RLF: variants seen among roughly 807,000 people sequenced by gnomAD.
The protein encoded by RLF is zinc finger protein Rlf.
RLF carries 7 observed loss-of-function variants against 162.9 expected under a neutral mutation model. The ratio of observed to expected loss-of-function variants is 0.04; its 90% CI spans 0.02 to 0.08. The LOEUF (loss-of-function observed/expected upper bound fraction) is 0.08. RLF is among the 10% of genes least tolerant of loss of function. The pLI, the probability that RLF is intolerant of heterozygous loss-of-function variation, is 1.00. For missense variants in RLF, 1,664 were observed against 2,244.7 expected (o/e 0.74, Z 5.23); for synonymous variants, 782 against 791.5 (o/e 0.99, Z 0.20).
At chr1:40,211,197 T>G (rs1642860332) in intron 5 of RLF, among the ~76,000 whole-genome samples, 1 of 152,242 alleles carries the variant, frequency 6.6e-6, no homozygotes. Context: ...CTACAAGAAT[T>G]AAATTTTCCA....
At position 40,239,014 on chromosome 1, in the gene RLF, A is replaced by G. The variant is rs748477617; in HGVS notation, c.4312A>G (p.Ile1438Val). The G allele has an allele frequency of 2.5e-6, 4 of 1,614,092 alleles. No individual in the cohort carries two copies. Among genetic ancestry groups the G allele is most frequent in the Admixed American group, 1.7e-5 (1 of 60,004 alleles). Residue 1438 changes from isoleucine to valine, a missense_variant, in exon 8 of 8, where the codon ATA (isoleucine) becomes GTA (valine). Ile to Val is a conservative substitution (Grantham distance 29, BLOSUM62 3). Around this residue, in one of 15 missense-constraint regions of RLF, gnomAD observed 200 missense variants for 207.3 expected, o/e 0.96. Coordinates refer to ENST00000372771, the MANE Select transcript of RLF (RefSeq NM_012421.4). ...GGAACAGCATAATATTGAAGGGGAAATACATTCAGATTATGAAATTCATTG... is the reference window on the plus strand; with the variant it reads ...GGAACAGCATAATATTGAAGGGGAAGTACATTCAGATTATGAAATTCATTG... ...LMEQHNIEGE[I>V]HSDYEIHCDL...
chr1:40,229,896 C>G (rs575689289), intron 6 of RLF, among the ~76,000 whole-genome samples: 1 of 152,102 alleles, frequency 6.6e-6, no homozygotes, highest in South Asian at 2.1e-4. Context: ...AGGCAGATCA[C>G]CTGAGGTTGG....
At chr1:40,178,637 T>G (rs200134261) in intron 1 of RLF, among the ~76,000 whole-genome samples, 103 of 136,082 alleles carry the variant, frequency 7.6e-4, no homozygotes, top group African/African-American at 3.3e-3. Flanking sequence ...TTTTTGTTTT[T>G]TTTTTTTTTT....
Position 40,202,596 on chromosome 1 carries a change from T to A in RLF, c.792T>A (p.Asn264Lys). 1 of 1,534,906 alleles carries A rather than the reference T, an allele frequency of 6.5e-7. No individual in the cohort carries two copies. The highest frequency in any genetic ancestry group is 8.7e-7 in the Non-Finnish European group (1 of 1,151,676). Reference sequence around the variant, plus strand: ...CATGTTTATGTTCTATGCTCCCTAATGAAGATGCTATTAAGGAGGTGAGTA... The same window carrying A: ...CATGTTTATGTTCTATGCTCCCTAAAGAAGATGCTATTAAGGAGGTGAGTA... Reference protein sequence around the residue: ...YITCLCSMLPNEDAIKEIAKV... With the variant: ...YITCLCSMLPKEDAIKEIAKV... Residue 264 changes from asparagine (N) to lysine (K), a missense_variant, in exon 5 of 8, where the codon AAT (asparagine) becomes AAA (lysine). By Grantham distance (94) the Asn-to-Lys change is moderately conservative. This residue lies in a region of RLF where 287 missense variants were observed against 404.9 expected (regional missense o/e 0.71). Transcript: ENST00000372771.
intron 1 of RLF, among the ~76,000 whole-genome samples, chr1:40,171,187 C>T (rs1642239495): frequency 6.6e-6 from 1 of 152,000 alleles, no homozygotes; most frequent in African/African-American, 2.4e-5. Flanking sequence ...CCACAGTGCC[C>T]AGCTAATTGA....
At chr1:40,172,021 A>G (rs1642252405) in intron 1 of RLF, among the ~76,000 whole-genome samples, 1 of 152,216 alleles carries the variant, frequency 6.6e-6, no homozygotes, top group African/African-American at 2.4e-5. Flanking sequence ...TTATTATTGT[A>G]GACATCTTTT....
rs1284037335 is a variant in RLF, at chr1:40,236,771, T to G, written c.2069T>G (p.Val690Gly). 2.5e-6 allele frequency: 4 copies of G among 1,614,090 alleles called. No individual in the cohort carries two copies. Among genetic ancestry groups the G allele is most frequent in the Non-Finnish European group, 3.4e-6 (4 of 1,179,978 alleles). The change falls in exon 8 of 8, where the codon GTG (valine) becomes GGG (glycine). Residue 690 changes from valine (V) to glycine (G), a missense_variant. Val to Gly is a moderately radical substitution (Grantham distance 109). This residue lies in a region of RLF where 69 missense variants were observed against 206.4 expected (regional missense o/e 0.33). Transcript: ENST00000372771. This position sits in a 1 kb window ranked among gnomAD's most constrained non-coding sequence, Gnocchi z 7.7. ...TTTAAGCAATTTAAATACTTAAGTG[T>G]GCATCTTAAAGCTGAACACCAAAAT... is the stretch of plus-strand genomic sequence containing the variant. ...RVFKQFKYLS[V>G]HLKAEHQNND...
At chr1:40,211,447 T>C (rs1642864018) in intron 5 of RLF, among the ~76,000 whole-genome samples, 1 of 152,230 alleles carries the variant, frequency 6.6e-6, no homozygotes, top group Admixed American at 6.5e-5. Context: ...CTTGGTGATA[T>C]ATCATTCTGT....
chr1:40,193,452 C>T lies in RLF; in HGVS notation c.475-2180C>T, dbSNP rs372435832. On this transcript the variant is annotated intron_variant, in intron 3 of 7. Transcript: ENST00000372771. Reference sequence around the variant, plus strand: ...GGTTTTTATTTCAGTTGCTGCATATCATGGTGGGTGGTAGTATTTTCTGCT... The same window carrying T: ...GGTTTTTATTTCAGTTGCTGCATATTATGGTGGGTGGTAGTATTTTCTGCT... Among the ~76,000 whole-genome samples, 13 of 152,204 alleles carry T rather than the reference C, an allele frequency of 8.5e-5. 1 individual carries two copies. Among genetic ancestry groups the T allele is most frequent in the East Asian group, 3.9e-4 (2 of 5,180 alleles).
chr1:40,218,929 A>G (rs940697028), intron 5 of RLF, among the ~76,000 whole-genome samples: 3 of 152,198 alleles, frequency 2.0e-5, no homozygotes, highest in African/African-American at 7.2e-5. Flanking sequence ...CTTAATAGCT[A>G]TAGAATTGTA....
At position 40,202,421 on chromosome 1, in the gene RLF, T is replaced by C; in HGVS notation, c.617T>C (p.Leu206Ser). The change falls in exon 5 of 8, where the codon TTG (leucine) becomes TCG (serine). Residue 206 changes from leucine to serine, a missense_variant. By Grantham distance (145) the Leu-to-Ser change is moderately radical (BLOSUM62 -2). Around this residue, in one of 15 missense-constraint regions of RLF, gnomAD observed 287 missense variants for 404.9 expected, o/e 0.71. Coordinates refer to ENST00000372771, the MANE Select transcript of RLF (RefSeq NM_012421.4). ...TTTTCATTTTTTCTAGTCAATAAAT[T>C]GATTGCACAAGAAGGACCTTCCTTT... is the stretch of plus-strand genomic sequence containing the variant. Reference protein sequence around the residue: ...QPVETEEVNKLIAQEGPSFLQ... With the variant: ...QPVETEEVNKSIAQEGPSFLQ... 1 of 1,570,568 alleles carries C rather than the reference T, an allele frequency of 6.4e-7. No homozygotes were observed. Among genetic ancestry groups the C allele is most frequent in the Non-Finnish European group, 8.6e-7 (1 of 1,165,598 alleles).
intron 4 of RLF, among the ~76,000 whole-genome samples, chr1:40,201,502 T>C (rs1642719458): frequency 6.6e-6 from 1 of 151,638 alleles, no homozygotes; most frequent in Non-Finnish European, 1.5e-5. Flanking sequence ...GGCGGGCACC[T>C]GTAGTCCCAG....
intron 1 of RLF, among the ~76,000 whole-genome samples, chr1:40,169,541 G>A (rs1374591920): frequency 5.4e-5 from 8 of 148,848 alleles, no homozygotes; most frequent in Non-Finnish European, 1.2e-4. Flanking sequence ...GCGTGAACCC[G>A]GGAGGCGGAG....
At chr1:40,190,229 C>G (rs1033710434) in intron 2 of RLF, among the ~76,000 whole-genome samples, 1 of 151,468 alleles carries the variant, frequency 6.6e-6, no homozygotes, top group Admixed American at 6.6e-5. Flanking sequence ...TTTCTTTTTT[C>G]AAAAAAATCT....
chr1:40,166,777 TCTCA>T (rs200726051), intron 1 of RLF, among the ~76,000 whole-genome samples: 2,420 of 146,848 alleles, frequency 0.016, 70 homozygotes, highest in African/African-American at 0.058. Context: ...CACCGCACGT[TCTCA>T]CTCATAGGTG....
rs924120453 is a variant in RLF at position 40,236,488 on chromosome 1, A to G, written c.1786A>G (p.Met596Val). Residue 596 changes from methionine (M) to valine (V), a missense_variant, in exon 8 of 8, where the codon ATG (methionine) becomes GTG (valine). Physicochemically the swap from Met to Val is conservative, Grantham distance 21. This residue lies in a region of RLF where 31 missense variants were observed against 80.5 expected (regional missense o/e 0.39). Coordinates refer to ENST00000372771, the MANE Select transcript of RLF (RefSeq NM_012421.4). This position sits in a 1 kb window ranked among gnomAD's most constrained non-coding sequence, Gnocchi z 7.7. ...VCIKKFKRKE[M>V]FVPHVMEHVK... ...TATTAAAAAATTTAAGAGAAAAGAA[A>G]TGTTTGTTCCTCATGTGATGGAGCA... is the stretch of plus-strand genomic sequence containing the variant. 6.2e-7 allele frequency: 1 copy of G among 1,613,598 alleles called. No homozygotes were observed. Among genetic ancestry groups the G allele is most frequent in the Non-Finnish European group, 8.5e-7 (1 of 1,179,894 alleles).
chr1:40,231,308 C>T (rs925992519), intron 6 of RLF, among the ~76,000 whole-genome samples: 5 of 152,110 alleles, frequency 3.3e-5, no homozygotes, highest in Non-Finnish European at 5.9e-5. Context: ...TCCCCCTAAA[C>T]ACAAGAGAGA....
At chr1:40,172,368 T>C (rs1051895295) in intron 1 of RLF, among the ~76,000 whole-genome samples, 1 of 152,212 alleles carries the variant, frequency 6.6e-6, no homozygotes, top group African/African-American at 2.4e-5. Flanking sequence ...ATGAGTACAT[T>C]TGGAGCATGC....
At chr1:40,204,155 A>C (rs1642758080) in intron 5 of RLF, among the ~76,000 whole-genome samples, 1 of 150,292 alleles carries the variant, frequency 6.7e-6, no homozygotes, top group Non-Finnish European at 1.5e-5. Flanking sequence ...AGCTGGGATT[A>C]CAGTCGCCCA....
Sources: gnomAD v4.1 joint callset for allele counts (sites outside exome capture counted in the v4.1 genomes callset) on GRCh38, gnomAD v4.1.1 for gene constraint, gnomAD v4.1.1 regional missense constraint, Gnocchi (gnomAD v3.1) non-coding constraint, MANE v1.5 for transcripts, NCBI Gene and HGNC (gene_info 2026-07-23, HGNC 2026-07-21) for gene names.